WDFY4: variants seen among roughly 807,000 people sequenced by gnomAD.
WDFY4 encodes the protein WDFY family member 4, also known as WD repeat- and FYVE domain-containing protein 4.
In WDFY4, 169 loss-of-function variants were observed where a neutral mutation model predicts 351.9. The ratio of observed to expected loss-of-function variants is 0.48; its 90% confidence interval spans 0.42 to 0.55. The LOEUF (loss-of-function observed/expected upper bound fraction) is 0.55. Ranked by LOEUF, WDFY4 falls within the 20% of genes least tolerant of loss-of-function variation. The pLI is 0.00. For missense variants in WDFY4, 3,803 were observed against 3,935.6 expected (o/e 0.97, Z 0.90); for synonymous variants, 1,622 against 1,574.6 (o/e 1.03, Z -0.71).
At chr10:48,738,870 A>C (rs2064759929) in intron 11 of WDFY4, among the ~76,000 whole-genome samples, 1 of 152,166 alleles carries the variant, frequency 6.6e-6, no homozygotes, top group Middle Eastern at 3.4e-3. Flanking sequence ...GCATGCCATC[A>C]CTCTGCATCC....
intron 39 of WDFY4, among the ~76,000 whole-genome samples, chr10:48,833,206 C>A (rs946725638): frequency 2.1e-5 from 3 of 143,176 alleles, no homozygotes; most frequent in African/African-American, 5.2e-5. Flanking sequence ...AGATCAGGAA[C>A]GTTGTTGTAA....
intron 47 of WDFY4, chr10:48,913,419 A>G: frequency 6.2e-7 from 1 of 1,611,466 alleles, no homozygotes; most frequent in Non-Finnish European, 8.5e-7. Context: ...GTCCTTGGCC[A>G]TGGAATTGGG....
intron 28 of WDFY4, among the ~76,000 whole-genome samples, 184 bp from the exon 29 acceptor site, chr10:48,810,346 C>T (rs1457772611): frequency 6.6e-6 from 1 of 152,228 alleles, no homozygotes; most frequent in East Asian, 1.9e-4. Context: ...ACAAATGCAT[C>T]ATTTGCACAA....
intron 47 of WDFY4, among the ~76,000 whole-genome samples, chr10:48,934,113 C>T (rs1200747712): frequency 6.6e-6 from 1 of 152,206 alleles, no homozygotes; most frequent in Non-Finnish European, 1.5e-5. Context: ...CCCTGTCCTC[C>T]TAGACGTGTG....
At chr10:48,900,005 C>T (rs1189520678) in intron 45 of WDFY4, among the ~76,000 whole-genome samples, 3 of 152,188 alleles carry the variant, frequency 2.0e-5, no homozygotes, top group Non-Finnish European at 4.4e-5. Flanking sequence ...AACAGAACTC[C>T]AAGCTGTGGT....
intron 34 of WDFY4, among the ~76,000 whole-genome samples, chr10:48,821,660 A>G (rs2620891): frequency 0.64 from 96,965 of 152,110 alleles, 32,838 homozygotes; most frequent in African/African-American, 0.87. Flanking sequence ...GTACCTTTTC[A>G]ACAAGCCTAA....
rs2133367902 is a variant in WDFY4 at position 48,890,799 on chromosome 10, C to T, written c.7316+72C>T. 5.9e-6 allele frequency: 9 copies of T among 1,531,654 alleles called. No homozygotes were observed. In the South Asian group the frequency reaches 6.1e-5, roughly 10 times the overall value. 94.9% of individuals were successfully genotyped at this position (1,531,654 alleles called of 1,614,324 possible). A position where few individuals can be genotyped will look rare whatever the true frequency, so the allele number is the denominator to read the frequency against. ...ATCCTTACCAGCCGCCCCCACTATTCCCCTTCTCACCTTGTTCTTACAGTG... is the reference window on the plus strand; with the variant it reads ...ATCCTTACCAGCCGCCCCCACTATTTCCCTTCTCACCTTGTTCTTACAGTG... On this transcript the variant is annotated intron_variant, in intron 44 of 61. Coordinates refer to ENST00000325239, the MANE Select transcript of WDFY4 (RefSeq NM_001394531.1).
At chr10:48,900,195 G>A in intron 45 of WDFY4, 26 bp from the exon 46 acceptor site, 1 of 1,545,170 alleles carries the variant, frequency 6.5e-7, no homozygotes, top group Non-Finnish European at 8.7e-7. Flanking sequence ...AATATCAGGA[G>A]CATTAAAAGG....
intron 39 of WDFY4, among the ~76,000 whole-genome samples, chr10:48,833,172 T>TGAGAGA (rs35354863): frequency 0.012 from 1,667 of 135,858 alleles, 23 homozygotes; most frequent in East Asian, 0.047. Context: ...TGTGTGTGTG[T>TGAGAGA]GAGAGAGAGA....
intron 47 of WDFY4, 64 bp from the exon 48 acceptor site, chr10:48,941,742 C>T: frequency 6.5e-7 from 1 of 1,526,770 alleles, no homozygotes; most frequent in Non-Finnish European, 8.9e-7. Flanking sequence ...CAAGCCCCAC[C>T]TCTCCCCTGT....
chr10:48,691,844 G>A (rs950169525), intron 1 of WDFY4, among the ~76,000 whole-genome samples: 13 of 152,198 alleles, frequency 8.5e-5, no homozygotes, highest in Admixed American at 2.0e-4. Context: ...GTTAAAACAC[G>A]CTGTCAGGAA....
intron 43 of WDFY4, among the ~76,000 whole-genome samples, chr10:48,885,887 G>T (rs887781244): frequency 6.6e-6 from 1 of 152,112 alleles, no homozygotes; most frequent in Non-Finnish European, 1.5e-5. Flanking sequence ...GCTCATAGAT[G>T]ACCAAATATA....
chr10:48,757,881 C>T (rs904945653), intron 12 of WDFY4, among the ~76,000 whole-genome samples: 8 of 151,954 alleles, frequency 5.3e-5, no homozygotes, highest in East Asian at 3.8e-4. Flanking sequence ...ACCTCTACGC[C>T]GTTCCCTCTA....
Position 48,826,652 on chromosome 10 carries a change from TG to T in WDFY4, c.5983-18del, listed in dbSNP as rs1332872923. ...GCACTCACAAGTTTGTGTATGTGTA[TG>T]TTTTTTTAATGACACAGGTCATTGA... is the stretch of plus-strand genomic sequence containing the variant. On this transcript the variant is annotated intron_variant, in intron 35 of 61. Transcript: ENST00000325239. 4.6e-6 allele frequency: 7 copies of T among 1,530,682 alleles called. No homozygotes were observed. Among genetic ancestry groups the T allele is most frequent in the South Asian group, 1.2e-5 (1 of 83,650 alleles). The allele number at this position is 1,530,682 out of a possible 1,614,324, so 94.8% of individuals were successfully genotyped here. A position where few individuals can be genotyped will look rare whatever the true frequency, so the allele number is the denominator to read the frequency against.
intron 42 of WDFY4, among the ~76,000 whole-genome samples, chr10:48,876,321 A>G (rs532297537): frequency 6.6e-6 from 1 of 152,342 alleles, no homozygotes; most frequent in South Asian, 2.1e-4. Context: ...TAGAGATGAA[A>G]AAACCAGACC....
At chr10:48,883,689 A>C (rs1363635523) in intron 43 of WDFY4, among the ~76,000 whole-genome samples, 1 of 152,180 alleles carries the variant, frequency 6.6e-6, no homozygotes, top group Non-Finnish European at 1.5e-5. Flanking sequence ...GAGACTTTCC[A>C]GGGCATGACT....
rs376889161 is a variant in WDFY4 at position 48,854,325 on chromosome 10, T to C, written c.6664-12940T>C. On this transcript the variant is annotated intron_variant, in intron 39 of 61. Transcript: ENST00000325239. ...GGTTTTGCCTTGTTGCCCAGGCTGG[T>C]CTCAAACTCGTGAGCTCCAGCGATC... Among the ~76,000 whole-genome samples the C allele has an allele frequency of 1.1e-3, 172 of 152,214 alleles. 1 individual carries two copies. The highest frequency in any genetic ancestry group is 4.1e-3 in the African/African-American group (169 of 41,538).
intron 38 of WDFY4, among the ~76,000 whole-genome samples, chr10:48,832,202 G>C (rs1290428524): frequency 6.6e-6 from 1 of 152,182 alleles, no homozygotes; most frequent in Non-Finnish European, 1.5e-5. Flanking sequence ...CTATGTTCCA[G>C]GGTCTTTAAA....
At chr10:48,858,151 A>T (rs1353710395) in intron 39 of WDFY4, among the ~76,000 whole-genome samples, 12 of 152,180 alleles carry the variant, frequency 7.9e-5, no homozygotes, top group Admixed American at 7.9e-4. Context: ...TTTGATGGAT[A>T]TGTGTCTTAC....
Sources: allele counts gnomAD v4.1 joint callset (sites outside exome capture counted in the v4.1 genomes callset), GRCh38; gene constraint gnomAD v4.1.1; transcripts MANE v1.5; gene names NCBI Gene and HGNC (gene_info 2026-07-23, HGNC 2026-07-21).